Variants in DNAH2 observed in about 807,000 individuals in gnomAD.
The protein encoded by DNAH2 is dynein axonemal heavy chain 2, also known as axonemal beta dynein heavy chain 2.
DNAH2 carries 323 observed loss-of-function variants against 523.5 expected under a neutral mutation model. The observed-to-expected ratio is 0.62, with a 90% CI of 0.56 to 0.68. DNAH2 has a LOEUF of 0.68. DNAH2 is among the 30% of genes least tolerant of loss of function. The probability of loss-of-function intolerance (pLI) is 0.00; values close to 1 mark genes in which losing one functional copy is unlikely to be tolerated. For missense variants in DNAH2, 4,907 were observed against 5,701.5 expected, an observed-to-expected ratio of 0.86 and a Z score of 4.49; for synonymous variants, 2,093 against 2,177.4, an observed-to-expected ratio of 0.96 and a Z score of 1.08.
At chr17:7,765,994 G>C (rs1208976170) in intron 21 of DNAH2, among the ~76,000 whole-genome samples, 1 of 152,004 alleles carries the variant, frequency 6.6e-6, no homozygotes, top group Non-Finnish European at 1.5e-5. Context: ...GGCGAGGATG[G>C]TCTTGATCTC....
Position 7,778,136 on chromosome 17 carries a change from C to T in DNAH2, c.5307C>T (p.Tyr1769=). ...TNTQFQYNYE[Y]LGNSGRLVIT... is the part of the protein sequence containing the mutation. ...CGCAATTTCAGTATAATTATGAGTACTTGGGTAACTCGGGCCGGCTCGTCA... is the reference window on the plus strand; with the variant it reads ...CGCAATTTCAGTATAATTATGAGTATTTGGGTAACTCGGGCCGGCTCGTCA... The change falls in exon 34 of 86, where the codon TAC becomes TAT. Residue 1769 remains tyrosine (Y), a synonymous_variant. Transcript: ENST00000572933. 1 of 1,614,190 alleles carries T rather than the reference C, an allele frequency of 6.2e-7. No individual in the cohort carries two copies. Among genetic ancestry groups the T allele is most frequent in the Non-Finnish European group, 8.5e-7 (1 of 1,180,046 alleles).
In DNAH2 at chr17:7,831,562, G is replaced by A; in HGVS notation, c.12611+21G>A. ...ATCCTGTAAGACAGAGGGGGACTCT[G>A]CGGAACAGGGGAGGGTGTGAGGAGA... On this transcript the variant is annotated intron_variant, in intron 81 of 85. Transcript: ENST00000572933. The surrounding 1 kb of genome is among the most constrained non-coding windows in gnomAD (Gnocchi z 4.2). The A allele has an allele frequency of 1.2e-6, 2 of 1,614,088 alleles. No individual in the cohort carries two copies. The highest frequency in any genetic ancestry group is 1.7e-6 in the Non-Finnish European group (2 of 1,179,978).
intron 18 of DNAH2, among the ~76,000 whole-genome samples, chr17:7,761,456 T>G (rs963399365): frequency 6.6e-6 from 1 of 152,036 alleles, no homozygotes; most frequent in Non-Finnish European, 1.5e-5. Context: ...TTAAAATTTT[T>G]TGTAGAGATT....
rs192504275 is a variant in DNAH2 at position 7,812,818 on chromosome 17, C to T, written c.9730-3753C>T. 6.2e-3 allele frequency among the ~76,000 whole-genome samples: 875 copies of T among 141,790 alleles called. 11 individuals carry two copies. Among genetic ancestry groups the T allele is most frequent in the African/African-American group, 0.02 (798 of 38,996 alleles). The allele number at this position is 141,790 out of a possible 152,430, so 93.0% of individuals were successfully genotyped here. On this transcript the variant is annotated intron_variant, in intron 63 of 85. Transcript: ENST00000572933. ...AAAAGCTGGGCGTGGTGGTGGGCAC[C>T]TGTAATCCTAGCTACTAGGGAGGCT... is the stretch of plus-strand genomic sequence containing the variant.
In DNAH2 at chr17:7,818,763, G is replaced by A; in HGVS notation, c.10657G>A (p.Asp3553Asn). 1 of 1,614,040 alleles carries A rather than the reference G, an allele frequency of 6.2e-7. No homozygotes were observed. Among genetic ancestry groups the A allele is most frequent in the Non-Finnish European group, 8.5e-7 (1 of 1,179,972 alleles). ...AGKRKLKELE[D>N]EILRLLNEAT... is the part of the protein sequence containing the mutation. ...TAAAAGGAAGCTCAAGGAGCTGGAG[G>A]ATGAGATCCTGCGGTGAGGCCCTGC... The change falls in exon 70 of 86, where the codon GAT becomes AAT. Residue 3553 changes from aspartate (D) to asparagine (N), a missense_variant. By Grantham distance (23) the Asp-to-Asn change is conservative (BLOSUM62 1). Coordinates refer to ENST00000572933, the MANE Select transcript of DNAH2 (RefSeq NM_020877.5).
At position 7,788,143 on chromosome 17, in the gene DNAH2, T is replaced by C. The variant is rs760661144; in HGVS notation, c.6799T>C (p.Phe2267Leu). Residue 2267 changes from phenylalanine to leucine, a missense_variant, in exon 44 of 86, where the codon TTT becomes CTT. Transcript: ENST00000572933. ...AAAGCTCATCAACAAGATGCTGGCCTTTAAGAAGGACAACTGCAAGGAGCT... is the reference window on the plus strand; with the variant it reads ...AAAGCTCATCAACAAGATGCTGGCCCTTAAGAAGGACAACTGCAAGGAGCT... ...FEKLINKMLA[F>L]KKDNCKELVP... The C allele has an allele frequency of 1.9e-6, 3 of 1,614,188 alleles. No individual in the cohort carries two copies. Among genetic ancestry groups the C allele is most frequent in the Non-Finnish European group, 2.5e-6 (3 of 1,180,032 alleles).
At chr17:7,766,777 A>G (rs929205275) in intron 22 of DNAH2, among the ~76,000 whole-genome samples, 1 of 150,234 alleles carries the variant, frequency 6.7e-6, no homozygotes, top group Non-Finnish European at 1.5e-5. Context: ...ACTCCCGAGT[A>G]GCTGGGATTA....
At chr17:7,741,330 C>CTTCCTTCCTTCCTTCA (rs2075340688) in intron 11 of DNAH2, among the ~76,000 whole-genome samples, 1 of 117,518 alleles carries the variant, frequency 8.5e-6, no homozygotes, top group African/African-American at 3.5e-5. Flanking sequence ...TCCCTCCTTC[C>CTTCCTTCCTTCCTTCA]TTCCTTCCTT....
At chr17:7,799,783 A>G (rs1418159664) in intron 56 of DNAH2, among the ~76,000 whole-genome samples, 1 of 151,730 alleles carries the variant, frequency 6.6e-6, no homozygotes, top group Non-Finnish European at 1.5e-5. Flanking sequence ...ACACCACTAC[A>G]CTCCAGCTTG....
At chr17:7,776,754 G>T in intron 31 of DNAH2, 25 bp from the exon 32 acceptor site, 1 of 1,594,018 alleles carries the variant, frequency 6.3e-7, no homozygotes, top group South Asian at 1.1e-5. Context: ...CAGGGCTTTG[G>T]GACGTGGCTT....
In DNAH2 at chr17:7,798,547, C is replaced by T; in HGVS notation, c.8399-11C>T. 6.2e-7 allele frequency: 1 copy of T among 1,613,410 alleles called. No homozygotes were observed. The highest frequency in any genetic ancestry group is 8.5e-7 in the Non-Finnish European group (1 of 1,179,816). The stretch of plus-strand genomic sequence containing the variant: ...TGCAGTGAGTTTGTCCTCCTTCCCT[C>T]CCCCGGCCAGATATCAAGCGTCTGT... On this transcript the variant is annotated splice_polypyrimidine_tract_variant and intron_variant, in intron 54 of 85. Transcript: ENST00000572933. The surrounding 1 kb of genome is among the most constrained non-coding windows in gnomAD (Gnocchi z 5.5).
chr17:7,815,856 A>G lies in DNAH2; in HGVS notation c.9730-715A>G, dbSNP rs2077652557. 1.3e-5 allele frequency among the ~76,000 whole-genome samples: 2 copies of G among 152,212 alleles called. 1 individual carries two copies. Among genetic ancestry groups the G allele is most frequent in the South Asian group, 4.1e-4 (2 of 4,832 alleles). On this transcript the variant is annotated intron_variant, in intron 63 of 85. Transcript: ENST00000572933. ...TCATTCCAACCTCCACAGAGTCCAC[A>G]GGTGGCAATGACTTGAGAGGGGTTT...
rs769186904 is a variant in DNAH2, at chr17:7,817,929, T to TC, written c.10237-12dup. ...CCTCTCCCGTAGTGTTCCTTCACCT[T>TC]CCCCCTTGCTCTCTAGGGCCTGAAG... is the stretch of plus-strand genomic sequence containing the variant. On this transcript the variant is annotated splice_polypyrimidine_tract_variant and intron_variant, in intron 67 of 85. Coordinates refer to ENST00000572933, the MANE Select transcript of DNAH2 (RefSeq NM_020877.5). The TC allele has an allele frequency of 5.0e-6, 8 of 1,613,742 alleles. No homozygotes were observed. The highest frequency in any genetic ancestry group is 1.1e-5 in the South Asian group (1 of 91,054).
chr17:7,775,901 G>A (rs2076438700), intron 30 of DNAH2, 123 bp from the exon 31 acceptor site: 3 of 1,311,384 alleles, frequency 2.3e-6, no homozygotes, highest in Non-Finnish European at 2.1e-6. Flanking sequence ...GCCAGCTGTT[G>A]GCCATTCCCG....
chr17:7,778,240 C>T (rs1413755721), intron 34 of DNAH2, 40 bp from the exon 35 acceptor site: 1 of 1,613,922 alleles, frequency 6.2e-7, no homozygotes, highest in South Asian at 1.1e-5. Flanking sequence ...CTGAGAGAGG[C>T]TTCCAGGAGT....
intron 15 of DNAH2, 85 bp from the exon 16 acceptor site, chr17:7,759,337 C>CCATTAAA: frequency 6.6e-7 from 1 of 1,518,858 alleles, no homozygotes; most frequent in South Asian, 1.3e-5. Context: ...CAACTTGTTT[C>CCATTAAA]CTTCCCTGTT....
At chr17:7,762,461 G>A (rs986385561) in intron 18 of DNAH2, among the ~76,000 whole-genome samples, 7 of 149,408 alleles carry the variant, frequency 4.7e-5, no homozygotes, top group Non-Finnish European at 7.4e-5. Flanking sequence ...TCAGCCTCCC[G>A]AGTAGCTGGG....
In DNAH2 at chr17:7,787,889, G is replaced by A. The variant is rs766576356; in HGVS notation, c.6633G>A (p.Leu2211=). Residue 2211 remains leucine, a synonymous_variant, in exon 43 of 86, where the codon CTG becomes CTA. Coordinates refer to ENST00000572933, the MANE Select transcript of DNAH2 (RefSeq NM_020877.5). ...QVSLLFEVED[L]AMASPATVSR... ...CTCTCCTGTTTGAAGTGGAGGACCT[G>A]GCAATGGCCTCTCCGGCCACTGTAT... 6.2e-7 allele frequency: 1 copy of A among 1,614,104 alleles called. No homozygotes were observed. The highest frequency in any genetic ancestry group is 8.5e-7 in the Non-Finnish European group (1 of 1,179,980).
At position 7,807,465 on chromosome 17, in the gene DNAH2, C is replaced by A. The variant is rs757233212; in HGVS notation, c.9613-5C>A. On this transcript the variant is annotated splice_polypyrimidine_tract_variant and splice_region_variant and intron_variant, in intron 62 of 85. Coordinates refer to ENST00000572933, the MANE Select transcript of DNAH2 (RefSeq NM_020877.5). This position sits in a 1 kb window ranked among gnomAD's most constrained non-coding sequence, Gnocchi z 5.6. ...GACTCCCACAGCCTGACTGTCTCCC[C>A]ACAGCTGTATGGGCGGCTATATCGG... 3 of 1,613,176 alleles carry A rather than the reference C, an allele frequency of 1.9e-6. No homozygotes were observed. Among genetic ancestry groups the A allele is most frequent in the Non-Finnish European group, 2.5e-6 (3 of 1,179,934 alleles).
Sources: allele counts gnomAD v4.1 joint callset (sites outside exome capture counted in the v4.1 genomes callset), GRCh38; gene constraint gnomAD v4.1.1; non-coding constraint Gnocchi (gnomAD v3.1); transcripts MANE v1.5; gene names NCBI Gene and HGNC (gene_info 2026-07-23, HGNC 2026-07-21).